CASR: variants seen among roughly 807,000 people sequenced by gnomAD.
The protein encoded by CASR is extracellular calcium-sensing receptor.
A neutral mutation model predicts 69.1 loss-of-function variants in CASR; 23 were observed. The ratio of observed to expected loss-of-function variants is 0.33; its 90% CI spans 0.24 to 0.47. The LOEUF is 0.47. Among genes scored for constraint, CASR ranks in the 20% least tolerant of loss-of-function variants. CASR has a pLI of 1.00. For synonymous variants in CASR, 541 were observed against 544.7 expected (o/e 0.99, Z 0.10); for missense variants, 924 against 1,356.1 (o/e 0.68, Z 5.00).
At chr3:122,243,557 T>C (rs1235809299) in intron 1 of CASR, among the ~76,000 whole-genome samples, 1 of 152,028 alleles carries the variant, frequency 6.6e-6, no homozygotes, top group Non-Finnish European at 1.5e-5. Context: ...AAAAGGGAAC[T>C]CTCATACGCT....
At chr3:122,194,973 T>C (rs1488022022) in intron 1 of CASR, among the ~76,000 whole-genome samples, 1 of 125,238 alleles carries the variant, frequency 8.0e-6, no homozygotes, top group African/African-American at 3.0e-5. Context: ...TCCTTTCTTC[T>C]TCTTACTTTT....
chr3:122,192,292 T>A (rs2073847303), intron 1 of CASR, among the ~76,000 whole-genome samples: 1 of 152,214 alleles, frequency 6.6e-6, no homozygotes, highest in South Asian at 2.1e-4. Context: ...CAGGCTCTAC[T>A]TTTTTCATCT....
Position 122,226,223 on chromosome 3 carries a change from C to T in CASR, c.-242-27725C>T, listed in dbSNP as rs1031070837. ...GTTCCTTCTGATGTTCGGATGTGTTCGGAGTTTCTTCCTTCTGGTGGGTTC... is the reference window on the plus strand; with the variant it reads ...GTTCCTTCTGATGTTCGGATGTGTTTGGAGTTTCTTCCTTCTGGTGGGTTC... On this transcript the variant is annotated intron_variant, in intron 1 of 6. Coordinates refer to ENST00000639785, the MANE Select transcript of CASR (RefSeq NM_000388.4). 7.2e-5 allele frequency among the ~76,000 whole-genome samples: 11 copies of T among 152,168 alleles called. No individual in the cohort carries two copies. In the South Asian group the frequency reaches 1.2e-3, roughly 17 times the overall value.
In CASR at chr3:122,282,100, G is replaced by C. The variant is rs1274123257; in HGVS notation, c.1609-13G>C. 1.2e-6 allele frequency: 2 copies of C among 1,614,230 alleles called. No homozygotes were observed. The highest frequency in any genetic ancestry group is 1.1e-5 in the South Asian group (1 of 91,082). On this transcript the variant is annotated splice_polypyrimidine_tract_variant and intron_variant, in intron 5 of 6. Transcript: ENST00000639785. ...AACTACAGCCACTCACCTTTGTGCT[G>C]TCTGTCCTCCAGGTGCCCTTCTCCA... is the stretch of plus-strand genomic sequence containing the variant.
At chr3:122,198,344 G>T (rs2073909780) in intron 1 of CASR, among the ~76,000 whole-genome samples, 2 of 152,096 alleles carry the variant, frequency 1.3e-5, no homozygotes, top group Non-Finnish European at 1.5e-5. Context: ...ATGCCCACCA[G>T]TACACAATTG....
intron 1 of CASR, among the ~76,000 whole-genome samples, chr3:122,216,649 A>G (rs1287902855): frequency 6.6e-6 from 1 of 152,246 alleles, no homozygotes; most frequent in Admixed American, 6.5e-5. Flanking sequence ...ATAGTGGTTG[A>G]AAGGACTAAA....
intron 1 of CASR, among the ~76,000 whole-genome samples, chr3:122,211,712 C>A (rs1299946114): frequency 6.6e-6 from 1 of 151,966 alleles, no homozygotes; most frequent in Non-Finnish European, 1.5e-5. Context: ...TGTCCTCTGC[C>A]ACCAAAAAAT....
rs1163880808 is a variant in CASR, at chr3:122,284,601, G to A, written c.2647G>A (p.Val883Met). The A allele has an allele frequency of 6.2e-7, 1 of 1,614,026 alleles. No individual in the cohort carries two copies. Among genetic ancestry groups the A allele is most frequent in the Non-Finnish European group, 8.5e-7 (1 of 1,180,028 alleles). ...CAGCACCGCAGCTCACGCTTTCAAG[G>A]TGGCTGCCCGGGCCACGCTGCGCCG... ...RCSTAAHAFK[V>M]AARATLRRSN... is the part of the protein sequence containing the mutation. Residue 883 changes from valine (V) to methionine (M), a missense_variant, in exon 7 of 7, where the codon GTG becomes ATG. Physicochemically the swap from Val to Met is conservative, Grantham distance 21 (BLOSUM62 1). Coordinates refer to ENST00000639785, the MANE Select transcript of CASR (RefSeq NM_000388.4).
Position 122,284,220 on chromosome 3 carries a change from C to T in CASR, c.2266C>T (p.Leu756=). The change falls in exon 7 of 7, where the codon CTG becomes TTG. Residue 756 remains leucine, a synonymous_variant. Coordinates refer to ENST00000639785, the MANE Select transcript of CASR (RefSeq NM_000388.4). ...APPSSYRNQE[L]EDEIIFITCH... ...CCCGTCAAGCTACCGCAACCAGGAG[C>T]TGGAGGATGAGATCATCTTCATCAC... 1.9e-6 allele frequency: 3 copies of T among 1,614,082 alleles called. No individual in the cohort carries two copies. The highest frequency in any genetic ancestry group is 2.5e-6 in the Non-Finnish European group (3 of 1,180,018).
chr3:122,219,578 G>C (rs528233332), intron 1 of CASR, among the ~76,000 whole-genome samples: 1 of 152,282 alleles, frequency 6.6e-6, no homozygotes, highest in East Asian at 1.9e-4. Flanking sequence ...TGTTGAGCTG[G>C]GTTTCTATCA....
chr3:122,280,842 C>T (rs2107647308), intron 5 of CASR, among the ~76,000 whole-genome samples: 1 of 152,260 alleles, frequency 6.6e-6, no homozygotes, highest in African/African-American at 2.4e-5. Flanking sequence ...ATAGTAAAAG[C>T]CCTACTATGT....
rs1298665907 is a variant in CASR at position 122,286,097 on chromosome 3, A to G, written c.*906A>G. ...CCATCTCTACCCCAAAGAATTCCTG[A>G]AGCCAGATCCACCCTATCCCTGTAC... is the stretch of plus-strand genomic sequence containing the variant. On this transcript the variant is annotated 3_prime_UTR_variant, in exon 7 of 7. Coordinates refer to ENST00000639785, the MANE Select transcript of CASR (RefSeq NM_000388.4). 6.6e-6 allele frequency: 1 copy of G among 152,666 alleles called. No homozygotes were observed. Among genetic ancestry groups the G allele is most frequent in the African/African-American group, 2.4e-5 (1 of 41,404 alleles). 9.5% of individuals were successfully genotyped at this position (152,666 alleles called of 1,614,324 possible). A position where few individuals can be genotyped will look rare whatever the true frequency, so the allele number is the denominator to read the frequency against.
intron 1 of CASR, among the ~76,000 whole-genome samples, chr3:122,229,776 T>G (rs1470930908): frequency 6.6e-6 from 1 of 152,116 alleles, no homozygotes; most frequent in East Asian, 1.9e-4. Context: ...GCAGGAGAAT[T>G]GCTTGAACCT....
intron 5 of CASR, 55 bp from the exon 6 acceptor site, chr3:122,282,058 C>T: frequency 6.2e-7 from 1 of 1,613,496 alleles, no homozygotes; most frequent in Non-Finnish European, 8.5e-7. Context: ...GACAGTAGGG[C>T]TGGCCCCTGA....
chr3:122,218,852 A>C (rs756746224), intron 1 of CASR, among the ~76,000 whole-genome samples: 2 of 152,214 alleles, frequency 1.3e-5, no homozygotes, highest in African/African-American at 2.4e-5. Flanking sequence ...GTGATTACAG[A>C]TAAGTACTAC....
In CASR at chr3:122,261,923, C is replaced by G; in HGVS notation, c.888C>G (p.Ser296Arg). 1 of 1,614,138 alleles carries G rather than the reference C, an allele frequency of 6.2e-7. No individual in the cohort carries two copies. The highest frequency in any genetic ancestry group is 8.5e-7 in the Non-Finnish European group (1 of 1,179,978). ...TCACGGGCAAGATCTGGCTGGCCAG[C>G]GAGGCCTGGGCCAGCTCCTCCCTGA... ...RNITGKIWLASEAWASSSLIA... is the reference protein window; with the variant it reads ...RNITGKIWLAREAWASSSLIA... The change falls in exon 4 of 7, where the codon AGC (serine) becomes AGG (arginine). Residue 296 changes from serine to arginine, a missense_variant. Ser to Arg is a moderately radical substitution (Grantham distance 110). Coordinates refer to ENST00000639785, the MANE Select transcript of CASR (RefSeq NM_000388.4).
At chr3:122,210,058 C>T (rs771349613) in intron 1 of CASR, among the ~76,000 whole-genome samples, 5 of 152,106 alleles carry the variant, frequency 3.3e-5, no homozygotes, top group Admixed American at 6.6e-5. Flanking sequence ...TAAAAACTCT[C>T]GATAAACTAG....
Position 122,208,619 on chromosome 3 carries a change from C to A in CASR, c.-243+24807C>A, listed in dbSNP as rs2074032246. Among the ~76,000 whole-genome samples, 6 of 152,082 alleles carry A rather than the reference C, an allele frequency of 3.9e-5. No homozygotes were observed. In the South Asian group the frequency reaches 1.2e-3, roughly 32 times the overall value. The stretch of plus-strand genomic sequence containing the variant: ...CTGTTTATTACATTAATGATATTTC[C>A]TTCAACTCCCAGCTTGCTAAGGTCT... On this transcript the variant is annotated intron_variant, in intron 1 of 6. Transcript: ENST00000639785.
At chr3:122,280,705 T>G (rs1240513746) in intron 5 of CASR, among the ~76,000 whole-genome samples, 1 of 152,206 alleles carries the variant, frequency 6.6e-6, no homozygotes, top group African/African-American at 2.4e-5. Context: ...AAGTTTTTTT[T>G]AACTCCTTTG....
Sources: allele counts gnomAD v4.1 joint callset (sites outside exome capture counted in the v4.1 genomes callset), GRCh38; gene constraint gnomAD v4.1.1; transcripts MANE v1.5; gene names NCBI Gene and HGNC (gene_info 2026-07-23, HGNC 2026-07-21).